FAM53A: variants seen among roughly 807,000 people sequenced by gnomAD.
FAM53A encodes the protein family with sequence similarity 53 member A, also known as protein FAM53A.
FAM53A carries 28 observed loss-of-function variants against 26.6 expected under a neutral mutation model. The ratio of observed to expected loss-of-function variants is 1.05; its 90% CI spans 0.78 to 1.45. The LOEUF (loss-of-function observed/expected upper bound fraction) is 1.45, where lower values mean the gene tolerates loss of function less well. FAM53A is among the 40% of genes most tolerant of loss of function. FAM53A has a pLI of 0.00. For synonymous variants in FAM53A, 290 were observed against 253.1 expected, an observed-to-expected ratio of 1.15 and a Z score of -1.38; for missense variants, 650 against 575.8, an observed-to-expected ratio of 1.13 and a Z score of -1.32.
chr4:1,597,841 C>A, the FAM53A span, among the ~76,000 whole-genome samples: 1 of 152,214 alleles, frequency 6.6e-6, no homozygotes, highest in Non-Finnish European at 1.5e-5. Context: ...ACTAAAAGTA[C>A]AAAAATTCGC....
At chr4:1,637,381 C>A (rs1715891102), downstream of FAM53A, among the ~76,000 whole-genome samples, 1 of 152,144 alleles carries the variant, frequency 6.6e-6, no homozygotes, top group Non-Finnish European at 1.5e-5. Flanking sequence ...AGGCTCTGGG[C>A]AGGGCTGGAG....
At chr4:1,672,315 TGGACCCACAAACCCAG>T (rs1714734064) in intron 1 of FAM53A, among the ~76,000 whole-genome samples, 2 of 69,496 alleles carry the variant, frequency 2.9e-5, no homozygotes, top group African/African-American at 1.0e-4. Context: ...CATGAACCCA[TGGACCCACAAACCCAG>T]GAACCCATAG....
At chr4:1,649,245 G>A (rs1190647885) in intron 4 of FAM53A, among the ~76,000 whole-genome samples, 1 of 152,024 alleles carries the variant, frequency 6.6e-6, no homozygotes, top group Non-Finnish European at 1.5e-5. Flanking sequence ...GAAAGAAAAG[G>A]AAAGAGAAAG....
chr4:1,623,377 TCAAG>T (rs1319234103), intron 1 of FAM53A, among the ~76,000 whole-genome samples: 2 of 150,492 alleles, frequency 1.3e-5, no homozygotes, highest in African/African-American at 2.5e-5. Context: ...TGTGGCAGCC[TCAAG>T]CAGAGTTGCG....
the FAM53A span, among the ~76,000 whole-genome samples, chr4:1,586,623 T>C: frequency 2.6e-5 from 4 of 151,224 alleles, no homozygotes; most frequent in South Asian, 2.1e-4. Context: ...AAAAAATATA[T>C]ATATAAAAAA....
chr4:1,604,072 G>A, the FAM53A span, among the ~76,000 whole-genome samples: 6 of 152,196 alleles, frequency 3.9e-5, no homozygotes, highest in Non-Finnish European at 7.4e-5. Context: ...GGCCATCATC[G>A]CGGGGTGGTC....
downstream of FAM53A, chr4:1,617,875 G>GCCTGCATGTCAGGAGCA: frequency 1.3e-5 from 5 of 373,260 alleles, no homozygotes; most frequent in South Asian, 1.0e-4. Flanking sequence ...TGAAGGGAGC[G>GCCTGCATGTCAGGAGCA]CCTGCATGTC....
chr4:1,585,634 T>G, the FAM53A span, among the ~76,000 whole-genome samples: 1 of 152,166 alleles, frequency 6.6e-6, no homozygotes, highest in African/African-American at 2.4e-5. Context: ...AGTCCACACA[T>G]GAGTGGATCA....
intron 1 of FAM53A, among the ~76,000 whole-genome samples, chr4:1,676,199 A>T (rs1353173502): frequency 1.3e-5 from 2 of 152,154 alleles, no homozygotes; most frequent in African/African-American, 2.4e-5. Flanking sequence ...CAGGACCAAG[A>T]CGCCAGCAGG....
intron 2 of FAM53A, 145 bp from the exon 3 acceptor site, chr4:1,657,613 C>A: frequency 1.4e-6 from 1 of 733,530 alleles, no homozygotes; most frequent in Non-Finnish European, 2.3e-6. Context: ...TTATTAAAAC[C>A]TAACAAAATT....
the FAM53A span, among the ~76,000 whole-genome samples, chr4:1,602,849 C>T: frequency 1.4e-4 from 21 of 152,014 alleles, no homozygotes; most frequent in African/African-American, 5.1e-4. Flanking sequence ...CCGGCTCCGG[C>T]GGGAGGGGCT....
downstream of FAM53A, among the ~76,000 whole-genome samples, chr4:1,614,473 G>C (rs560550087): frequency 7.0e-3 from 944 of 134,352 alleles, 64 homozygotes; most frequent in African/African-American, 0.027. Flanking sequence ...ACGTGAGGGG[G>C]ATGCAGAGAC....
the FAM53A span, among the ~76,000 whole-genome samples, chr4:1,605,146 G>A: frequency 9.2e-5 from 14 of 152,350 alleles, no homozygotes; most frequent in African/African-American, 3.4e-4. This position sits in a 1 kb window ranked among gnomAD's most constrained non-coding sequence, Gnocchi z 5.7. Context: ...GCTTCCACCG[G>A]GCAATTTCAC....
chr4:1,679,628 G>C (rs1191094561), intron 1 of FAM53A, among the ~76,000 whole-genome samples: 1 of 148,584 alleles, frequency 6.7e-6, no homozygotes, highest in Non-Finnish European at 1.5e-5. Context: ...GGAGGTTGCA[G>C]TGAGCCAAGA....
At chr4:1,651,298 G>A (rs564450787) in intron 4 of FAM53A, among the ~76,000 whole-genome samples, 44 of 151,770 alleles carry the variant, frequency 2.9e-4, no homozygotes, top group African/African-American at 9.7e-4. Context: ...TTGGGAGGCC[G>A]AGGCAGGCGG....
At chr4:1,676,435 C>A (rs1715047408) in intron 1 of FAM53A, among the ~76,000 whole-genome samples, 1 of 152,206 alleles carries the variant, frequency 6.6e-6, no homozygotes, top group Non-Finnish European at 1.5e-5. Flanking sequence ...AGTGCACATT[C>A]TGAAGTACTG....
chr4:1,663,994 A>T (rs950464395), intron 2 of FAM53A, among the ~76,000 whole-genome samples: 2 of 152,364 alleles, frequency 1.3e-5, no homozygotes, highest in African/African-American at 4.8e-5. Context: ...CAGCCGGGGC[A>T]TGCAGCCTGG....
the FAM53A span, among the ~76,000 whole-genome samples, chr4:1,575,044 G>A: frequency 0.015 from 2,337 of 152,318 alleles, 62 homozygotes; most frequent in African/African-American, 0.052. Context: ...CAGTCCCCAC[G>A]CAGTGAAGGG....
At chr4:1,675,146 C>A (rs1324872245) in intron 1 of FAM53A, among the ~76,000 whole-genome samples, 1 of 152,162 alleles carries the variant, frequency 6.6e-6, no homozygotes, top group Non-Finnish European at 1.5e-5. Flanking sequence ...AGACAAAGGC[C>A]AGGACAAGTG....
Sources: allele counts gnomAD v4.1 joint callset (sites outside exome capture counted in the v4.1 genomes callset), GRCh38; gene constraint gnomAD v4.1.1; non-coding constraint Gnocchi (gnomAD v3.1); transcripts MANE v1.5; gene names NCBI Gene and HGNC (gene_info 2026-07-23, HGNC 2026-07-21).